The following HSBP1 variants were observed in gnomAD, a reference collection of about 807,000 sequenced individuals.
HSBP1 encodes heat shock factor-binding protein 1.
Under a neutral mutation model 9.6 loss-of-function variants are expected in HSBP1, and 5 were observed. The ratio of observed to expected loss-of-function variants is 0.52; its 90% CI spans 0.27 to 1.09. The LOEUF is 1.09. Ranked by LOEUF, HSBP1 falls within the 50% of genes least tolerant of loss-of-function variation. The pLI is 0.11. For synonymous variants in HSBP1, 42 were observed against 33.3 expected, an observed-to-expected ratio of 1.26 and a Z score of -0.90; for missense variants, 121 against 96.3, an observed-to-expected ratio of 1.26 and a Z score of -1.07.
rs1381789373 is a variant in HSBP1, at chr16:83,812,177, T to G, written c.*759T>G. 6.6e-6 allele frequency: 1 copy of G among 152,648 alleles called. No homozygotes were observed. The highest frequency in any genetic ancestry group is 2.4e-5 in the African/African-American group (1 of 41,456). The allele number at this position is 152,648 out of a possible 1,614,324, so 9.5% of individuals were successfully genotyped here. A position where few individuals can be genotyped will look rare whatever the true frequency, so the allele number is the denominator to read the frequency against. On this transcript the variant is annotated 3_prime_UTR_variant, in exon 4 of 4. Coordinates refer to ENST00000433866, the MANE Select transcript of HSBP1 (RefSeq NM_001537.4). ...ACCTACGTGGTTCATCTACAATGGT[T>G]ACCATAAAAAATCTGGCAGGATTTT...
At chr16:83,808,195 G>A (rs569340709) in intron 1 of HSBP1, 74 bp downstream of exon 1, 7 of 1,298,042 alleles carry the variant, frequency 5.4e-6, no homozygotes, top group South Asian at 2.8e-5. Context: ...CTGGACAGAG[G>A]CGCGCCCACC....
intron 3 of HSBP1, among the ~76,000 whole-genome samples, chr16:83,809,685 T>C (rs1904555714): frequency 6.6e-6 from 1 of 152,066 alleles, no homozygotes; most frequent in Non-Finnish European, 1.5e-5. Context: ...GTCATGCTGG[T>C]CTCGAATTCT....
At position 83,819,229 on chromosome 16, in the gene HSBP1, G is replaced by C. The variant is rs1012254606; in HGVS notation, c.*7811G>C. On this transcript the variant is annotated 3_prime_UTR_variant, in exon 4 of 4. Coordinates refer to ENST00000433866, the MANE Select transcript of HSBP1 (RefSeq NM_001537.4). Reference sequence around the variant, plus strand: ...CCCCCTTTTTGTAGATCCTGATTCAGAATATCTGGGACGGGGGCTGGAGAT... The same window carrying C: ...CCCCCTTTTTGTAGATCCTGATTCACAATATCTGGGACGGGGGCTGGAGAT... 6.6e-6 allele frequency: 1 copy of C among 152,146 alleles called. No homozygotes were observed. Among genetic ancestry groups the C allele is most frequent in the Non-Finnish European group, 1.5e-5 (1 of 68,022 alleles). 9.4% of individuals were successfully genotyped at this position (152,146 alleles called of 1,614,324 possible). A position where few individuals can be genotyped will look rare whatever the true frequency, so the allele number is the denominator to read the frequency against.
Position 83,813,163 on chromosome 16 carries a change from G to C in HSBP1, c.*1745G>C, listed in dbSNP as rs941146701. 1.4e-4 allele frequency: 22 copies of C among 152,336 alleles called. No individual in the cohort carries two copies. The highest frequency in any genetic ancestry group is 5.3e-4 in the African/African-American group (22 of 41,444). 9.4% of individuals were successfully genotyped at this position (152,336 alleles called of 1,614,324 possible). A position where few individuals can be genotyped will look rare whatever the true frequency, so the allele number is the denominator to read the frequency against. On this transcript the variant is annotated 3_prime_UTR_variant, in exon 4 of 4. Coordinates refer to ENST00000433866, the MANE Select transcript of HSBP1 (RefSeq NM_001537.4). ...TGCTGGAAGGGGAAGCTGAGGAGCGGGAGGAGGGCTTGCCAAGACTGGCAT... is the reference window on the plus strand; with the variant it reads ...TGCTGGAAGGGGAAGCTGAGGAGCGCGAGGAGGGCTTGCCAAGACTGGCAT...
At chr16:83,809,683 G>C (rs1904555566) in intron 3 of HSBP1, among the ~76,000 whole-genome samples, 1 of 151,882 alleles carries the variant, frequency 6.6e-6, no homozygotes. Context: ...TGGTCATGCT[G>C]GTCTCGAATT....
At position 83,815,397 on chromosome 16, in the gene HSBP1, A is replaced by G. The variant is rs1348486442; in HGVS notation, c.*3979A>G. 2 of 152,116 alleles carry G rather than the reference A, an allele frequency of 1.3e-5. No individual in the cohort carries two copies. The highest frequency in any genetic ancestry group is 2.9e-5 in the Non-Finnish European group (2 of 68,048). 9.4% of individuals were successfully genotyped at this position (152,116 alleles called of 1,614,324 possible). A position where few individuals can be genotyped will look rare whatever the true frequency, so the allele number is the denominator to read the frequency against. On this transcript the variant is annotated 3_prime_UTR_variant, in exon 4 of 4. Transcript: ENST00000433866. ...TGTGGTGGCACACATCTGTGCTCCCAGCTACTCAGGAGGCTGAGGTGGGAG... is the reference window on the plus strand; with the variant it reads ...TGTGGTGGCACACATCTGTGCTCCCGGCTACTCAGGAGGCTGAGGTGGGAG...
chr16:83,818,719 AG>A lies in HSBP1; in HGVS notation c.*7303del, dbSNP rs1567610080. 6.6e-6 allele frequency: 1 copy of A among 152,152 alleles called. No homozygotes were observed. Among genetic ancestry groups the A allele is most frequent in the Non-Finnish European group, 1.5e-5 (1 of 68,038 alleles). 9.4% of individuals were successfully genotyped at this position (152,152 alleles called of 1,614,324 possible). On this transcript the variant is annotated 3_prime_UTR_variant, in exon 4 of 4. Coordinates refer to ENST00000433866, the MANE Select transcript of HSBP1 (RefSeq NM_001537.4). ...CCCTGTATCTGGTCTTGGTTCTGAAAGGTTTGCAGCGGCACCTAAGTCACTG... is the reference window on the plus strand; with the variant it reads ...CCCTGTATCTGGTCTTGGTTCTGAAAGTTTGCAGCGGCACCTAAGTCACTG...
rs969746768 is a variant in HSBP1 at position 83,815,554 on chromosome 16, A to T, written c.*4136A>T. The T allele has an allele frequency of 6.6e-6, 1 of 151,244 alleles. No individual in the cohort carries two copies. Among genetic ancestry groups the T allele is most frequent in the Non-Finnish European group, 1.5e-5 (1 of 67,954 alleles). The allele number at this position is 151,244 out of a possible 1,614,324, so 9.4% of individuals were successfully genotyped here. ...GCGGATCCTAACGCTTGGTCCTCACACCTGAGGCTCTCACTAAGAGGTGGC... is the reference window on the plus strand; with the variant it reads ...GCGGATCCTAACGCTTGGTCCTCACTCCTGAGGCTCTCACTAAGAGGTGGC... On this transcript the variant is annotated 3_prime_UTR_variant, in exon 4 of 4. Coordinates refer to ENST00000433866, the MANE Select transcript of HSBP1 (RefSeq NM_001537.4).
Position 83,818,333 on chromosome 16 carries a change from A to G in HSBP1, c.*6915A>G, listed in dbSNP as rs1390278389. ...TTCCCCATGATGAAAAACAGACCCC[A>G]TAGAAACTCTCTGGCACAAAAACTC... On this transcript the variant is annotated 3_prime_UTR_variant, in exon 4 of 4. Coordinates refer to ENST00000433866, the MANE Select transcript of HSBP1 (RefSeq NM_001537.4). 3.3e-5 allele frequency: 5 copies of G among 152,196 alleles called. No individual in the cohort carries two copies. The highest frequency in any genetic ancestry group is 3.3e-4 in the Admixed American group (5 of 15,276). The allele number at this position is 152,196 out of a possible 1,614,324, so 9.4% of individuals were successfully genotyped here.
rs1000173691 is a variant in HSBP1, at chr16:83,817,196, T to A, written c.*5778T>A. 6.6e-6 allele frequency: 1 copy of A among 152,330 alleles called. No individual in the cohort carries two copies. Among genetic ancestry groups the A allele is most frequent in the African/African-American group, 2.4e-5 (1 of 41,570 alleles). The allele number at this position is 152,330 out of a possible 1,614,324, so 9.4% of individuals were successfully genotyped here. A position where few individuals can be genotyped will look rare whatever the true frequency, so the allele number is the denominator to read the frequency against. ...CTGTCTACTGCGAACCGTCCGATGA[T>A]GTAATTCACCAAGTTCCATGGGATT... On this transcript the variant is annotated 3_prime_UTR_variant, in exon 4 of 4. Coordinates refer to ENST00000433866, the MANE Select transcript of HSBP1 (RefSeq NM_001537.4).
In HSBP1 at chr16:83,813,282, A is replaced by G. The variant is rs1021731176; in HGVS notation, c.*1864A>G. 6.6e-6 allele frequency: 1 copy of G among 152,294 alleles called. No individual in the cohort carries two copies. The highest frequency in any genetic ancestry group is 2.4e-5 in the African/African-American group (1 of 41,462). 9.4% of individuals were successfully genotyped at this position (152,294 alleles called of 1,614,324 possible). A position where few individuals can be genotyped will look rare whatever the true frequency, so the allele number is the denominator to read the frequency against. ...TTATGGTCACTTGGGTTTAGACGAC[A>G]TTCTGTGAACCTCATGAAGAAATTA... On this transcript the variant is annotated 3_prime_UTR_variant, in exon 4 of 4. Transcript: ENST00000433866.
chr16:83,819,666 C>T lies in HSBP1; in HGVS notation c.*8248C>T, dbSNP rs1027985206. On this transcript the variant is annotated 3_prime_UTR_variant, in exon 4 of 4. Transcript: ENST00000433866. ...GGTTGATTAAAAAGCTTTTAAAGAG[C>T]ATAGTAAATATTTTACCAGAAGGAT... The T allele has an allele frequency of 2.0e-5, 3 of 152,170 alleles. No individual in the cohort carries two copies. The highest frequency in any genetic ancestry group is 4.4e-5 in the Non-Finnish European group (3 of 68,040). 9.4% of individuals were successfully genotyped at this position (152,170 alleles called of 1,614,324 possible).
rs1344857087 is a variant in HSBP1 at position 83,817,624 on chromosome 16, T to C, written c.*6206T>C. 2.6e-5 allele frequency: 4 copies of C among 152,368 alleles called. No homozygotes were observed. In the East Asian group the frequency reaches 7.7e-4, roughly 29 times the overall value. 9.4% of individuals were successfully genotyped at this position (152,368 alleles called of 1,614,324 possible). On this transcript the variant is annotated 3_prime_UTR_variant, in exon 4 of 4. Transcript: ENST00000433866. Reference sequence around the variant, plus strand: ...TACCTCTTACCTTGGTCTTTACAAGTTGCTGTCAAAACCCAGTAAGTGTTT... The same window carrying C: ...TACCTCTTACCTTGGTCTTTACAAGCTGCTGTCAAAACCCAGTAAGTGTTT...
chr16:83,817,870 G>A lies in HSBP1; in HGVS notation c.*6452G>A, dbSNP rs1292406612. The A allele has an allele frequency of 6.6e-6, 1 of 152,164 alleles. No homozygotes were observed. Among genetic ancestry groups the A allele is most frequent in the Non-Finnish European group, 1.5e-5 (1 of 68,040 alleles). The allele number at this position is 152,164 out of a possible 1,614,324, so 9.4% of individuals were successfully genotyped here. ...CAAAGGACTGGACCGAATTATTCAT[G>A]GAACAGAAGCCTAGGACTGGTAAGT... is the stretch of plus-strand genomic sequence containing the variant. On this transcript the variant is annotated 3_prime_UTR_variant, in exon 4 of 4. Transcript: ENST00000433866.
At position 83,810,496 on chromosome 16, in the gene HSBP1, T is replaced by G. The variant is rs191586428; in HGVS notation, c.*3-925T>G. 2.7e-3 allele frequency among the ~76,000 whole-genome samples: 323 copies of G among 120,920 alleles called. 8 individuals are homozygous for G. In the East Asian group the frequency reaches 0.073, roughly 27 times the overall value. The allele number at this position is 120,920 out of a possible 152,430, so 79.3% of individuals were successfully genotyped here. A position where few individuals can be genotyped will look rare whatever the true frequency, so the allele number is the denominator to read the frequency against. ...GAGGTCACGCCACTGCACTCCAGCC[T>G]GGGCGACAGAGTGAGACTCTGTCTC... is the stretch of plus-strand genomic sequence containing the variant. On this transcript the variant is annotated intron_variant, in intron 3 of 3. Transcript: ENST00000433866.
intron 1 of HSBP1, chr16:83,808,366 C>T (rs1904511722): frequency 1.8e-6 from 1 of 550,310 alleles, no homozygotes; most frequent in Non-Finnish European, 3.2e-6. Flanking sequence ...GTCGCGAACG[C>T]CCTCCGGGTC....
In HSBP1 at chr16:83,814,130, C is replaced by G. The variant is rs976622906; in HGVS notation, c.*2712C>G. 2 of 152,152 alleles carry G rather than the reference C, an allele frequency of 1.3e-5. No individual in the cohort carries two copies. The highest frequency in any genetic ancestry group is 4.8e-5 in the African/African-American group (2 of 41,414). The allele number at this position is 152,152 out of a possible 1,614,324, so 9.4% of individuals were successfully genotyped here. A position where few individuals can be genotyped will look rare whatever the true frequency, so the allele number is the denominator to read the frequency against. On this transcript the variant is annotated 3_prime_UTR_variant, in exon 4 of 4. Coordinates refer to ENST00000433866, the MANE Select transcript of HSBP1 (RefSeq NM_001537.4). ...TTCCTCTTTTATTTTGTATTTTGCA[C>G]ATTATATATTTTGATTAGATTAAAA...
Position 83,811,184 on chromosome 16 carries a change from G to C in HSBP1, c.*3-237G>C, listed in dbSNP as rs916101568. On this transcript the variant is annotated intron_variant, in intron 3 of 3. Coordinates refer to ENST00000433866, the MANE Select transcript of HSBP1 (RefSeq NM_001537.4). ...TGATTATCTTACCACAAGAATTTCAGGATGGTAGACTGGCTAGTGATGGGG... is the reference window on the plus strand; with the variant it reads ...TGATTATCTTACCACAAGAATTTCACGATGGTAGACTGGCTAGTGATGGGG... Among the ~76,000 whole-genome samples, 3 of 152,182 alleles carry C rather than the reference G, an allele frequency of 2.0e-5. No homozygotes were observed. In the South Asian group the frequency reaches 6.2e-4, roughly 31 times the overall value.
chr16:83,808,372 G>A (rs912663097), intron 1 of HSBP1: 2 of 548,520 alleles, frequency 3.6e-6, no homozygotes, highest in Non-Finnish European at 6.4e-6. Flanking sequence ...AACGCCCTCC[G>A]GGTCCCTCCC....
Sources: allele counts gnomAD v4.1 joint callset (sites outside exome capture counted in the v4.1 genomes callset), GRCh38; gene constraint gnomAD v4.1.1; transcripts MANE v1.5; gene names NCBI Gene and HGNC (gene_info 2026-07-23, HGNC 2026-07-21).